The following TMEM71 variants were observed in gnomAD, a reference collection of about 807,000 sequenced individuals.
TMEM71 encodes transmembrane protein 71.
In TMEM71, 44 loss-of-function variants were observed where a neutral mutation model predicts 38.0. The observed-to-expected ratio is 1.16, with a 90% CI of 0.91 to 1.49. The LOEUF is 1.49. Among genes scored for constraint, TMEM71 ranks in the 40% most tolerant of loss-of-function variants. TMEM71 has a pLI of 0.00. For synonymous variants in TMEM71, 133 were observed against 122.5 expected (o/e 1.09, Z -0.56); for missense variants, 367 against 348.6 (o/e 1.05, Z -0.42).
chr8:132,741,012 G>A (rs973328982), intron 5 of TMEM71, among the ~76,000 whole-genome samples: 2 of 152,196 alleles, frequency 1.3e-5, no homozygotes, highest in African/African-American at 2.4e-5. Context: ...AAGATAGAAT[G>A]GGGAAGCTGG....
intron 5 of TMEM71, among the ~76,000 whole-genome samples, chr8:132,736,297 AATGG>A (rs1827741360): frequency 6.6e-6 from 1 of 152,216 alleles, no homozygotes. Flanking sequence ...GGGGAGAATC[AATGG>A]ATGGACACTC....
intron 5 of TMEM71, among the ~76,000 whole-genome samples, chr8:132,746,366 C>CAT (rs1491421591): frequency 9.7e-5 from 2 of 20,656 alleles, no homozygotes; most frequent in East Asian, 1.1e-3. Context: ...TATACACACA[C>CAT]ATATATATAC....
intron 2 of TMEM71, chr8:132,758,606 T>G: frequency 2.0e-6 from 1 of 507,510 alleles, no homozygotes; most frequent in Non-Finnish European, 3.5e-6. Context: ...TGCACAGGCA[T>G]CTAAAAAAAA....
rs73343479 is a variant in TMEM71, at chr8:132,743,403, C to T, written c.487+3539G>A. Among the ~76,000 whole-genome samples the T allele has an allele frequency of 5.3e-3, 804 of 152,226 alleles. 4 individuals carry two copies. Among genetic ancestry groups the T allele is most frequent in the African/African-American group, 0.018 (760 of 41,548 alleles). On this transcript the variant is annotated intron_variant, in intron 5 of 9. Coordinates refer to ENST00000677595, the MANE Select transcript of TMEM71 (RefSeq NM_001382403.1). Reference sequence around the variant, plus strand: ...AAATGAATCTGTTGAACACTCAGTCCTCATCCTATTTACCTTTCTAGCATG... The same window carrying T: ...AAATGAATCTGTTGAACACTCAGTCTTCATCCTATTTACCTTTCTAGCATG...
At chr8:132,757,096 C>T (rs1829064034) in intron 3 of TMEM71, 138 bp downstream of exon 3, 1 of 419,068 alleles carries the variant, frequency 2.4e-6, no homozygotes, top group Non-Finnish European at 4.6e-6. Flanking sequence ...CGGGGTTTCA[C>T]CGTGTTAGCC....
chr8:132,715,409 C>CAAAAAAAA (rs975995287), intron 7 of TMEM71, among the ~76,000 whole-genome samples: 36 of 21,542 alleles, frequency 1.7e-3, no homozygotes, highest in East Asian at 6.9e-3. Context: ...GACTCCGTCT[C>CAAAAAAAA]AAAAAAAAAA....
intron 7 of TMEM71, among the ~76,000 whole-genome samples, chr8:132,720,927 T>TAA: frequency 6.6e-6 from 1 of 152,332 alleles, no homozygotes; most frequent in Middle Eastern, 3.4e-3. Flanking sequence ...CACATTCTTC[T>TAA]AGGGAGAGGC....
chr8:132,708,034 A>C (rs1241958346), downstream of TMEM71, among the ~76,000 whole-genome samples: 1 of 152,230 alleles, frequency 6.6e-6, no homozygotes, highest in Non-Finnish European at 1.5e-5. Flanking sequence ...TATATACATG[A>C]AATCATATTA....
At chr8:132,742,674 T>G (rs1828110487) in intron 5 of TMEM71, among the ~76,000 whole-genome samples, 1 of 152,126 alleles carries the variant, frequency 6.6e-6, no homozygotes, top group Admixed American at 6.5e-5. Context: ...CTCAGTGAGT[T>G]TGATGAGTGA....
chr8:132,739,874 G>A (rs1586797208), intron 5 of TMEM71, among the ~76,000 whole-genome samples: 1 of 152,028 alleles, frequency 6.6e-6, no homozygotes, highest in Admixed American at 6.6e-5. Flanking sequence ...CCTGTAAGAC[G>A]AATCTGGAAT....
chr8:132,729,695 T>A (rs1827343489), intron 5 of TMEM71, among the ~76,000 whole-genome samples: 1 of 152,138 alleles, frequency 6.6e-6, no homozygotes, highest in African/African-American at 2.4e-5. Flanking sequence ...GAGAGGGCCT[T>A]AGAAGTCATA....
At chr8:132,773,219 C>T in the TMEM71 span, among the ~76,000 whole-genome samples, 2 of 152,104 alleles carry the variant, frequency 1.3e-5, no homozygotes, top group African/African-American at 2.4e-5. Flanking sequence ...AGTAGCAGTG[C>T]CCTACCCCAA....
chr8:132,775,272 C>A, the TMEM71 span: 1 of 323,926 alleles, frequency 3.1e-6, no homozygotes, highest in Non-Finnish European at 5.6e-6. Context: ...CCTCCTACGG[C>A]GGCCCGCCAA....
chr8:132,731,885 A>G (rs1455755551), intron 5 of TMEM71, among the ~76,000 whole-genome samples: 12 of 152,184 alleles, frequency 7.9e-5, no homozygotes, highest in Admixed American at 7.9e-4. Flanking sequence ...ATGACTAAGG[A>G]AAGATACGAA....
chr8:132,755,104 C>T (rs908107668), intron 3 of TMEM71, among the ~76,000 whole-genome samples: 12 of 152,126 alleles, frequency 7.9e-5, no homozygotes, highest in African/African-American at 9.7e-5. Context: ...TGGTGCTGGA[C>T]GCTTACGAGG....
intron 4 of TMEM71, among the ~76,000 whole-genome samples, chr8:132,750,280 T>G (rs1382322717): frequency 6.6e-6 from 1 of 152,204 alleles, no homozygotes; most frequent in Non-Finnish European, 1.5e-5. Context: ...ATACTGGGTT[T>G]GAGATGCCTG....
chr8:132,760,893 T>G (rs1400636958), upstream of TMEM71, among the ~76,000 whole-genome samples: 1 of 152,230 alleles, frequency 6.6e-6, no homozygotes, highest in Non-Finnish European at 1.5e-5. Context: ...TTGCTCATCA[T>G]ATGGCCACAT....
chr8:132,758,361 A>G (rs1000574704), intron 2 of TMEM71: 1 of 160,768 alleles, frequency 6.2e-6, no homozygotes, highest in Non-Finnish European at 1.4e-5. Context: ...AAAGGAATTT[A>G]GACTTTCAGA....
At chr8:132,720,492 T>C (rs1826780779) in intron 7 of TMEM71, among the ~76,000 whole-genome samples, 1 of 152,212 alleles carries the variant, frequency 6.6e-6, no homozygotes. Flanking sequence ...CAGTTTGGGA[T>C]ATAGAATGCA....
Sources: allele counts gnomAD v4.1 joint callset (sites outside exome capture counted in the v4.1 genomes callset), GRCh38; gene constraint gnomAD v4.1.1; transcripts MANE v1.5; gene names NCBI Gene and HGNC (gene_info 2026-07-23, HGNC 2026-07-21).